SLC9A2: variants seen among roughly 807,000 people sequenced by gnomAD.
SLC9A2 encodes solute carrier family 9 member A2.
Under a neutral mutation model 71.7 loss-of-function variants are expected in SLC9A2, and 42 were observed. The ratio of observed to expected loss-of-function variants is 0.59; its 90% confidence interval spans 0.46 to 0.76. The LOEUF is 0.76. Among genes scored for constraint, SLC9A2 ranks in the 30% least tolerant of loss-of-function variants. The pLI, the probability that SLC9A2 is intolerant of heterozygous loss-of-function variation, is 0.00. For synonymous variants in SLC9A2, 396 were observed against 392.5 expected, an observed-to-expected ratio of 1.01 and a Z score of -0.10; for missense variants, 829 against 1,017.4, an observed-to-expected ratio of 0.81 and a Z score of 2.52.
chr2:102,659,440 C>CAAT lies in SLC9A2; in HGVS notation c.753+1431_753+1433dup, dbSNP rs760045785. ...TGAGCAACAGAGTGAGACTCCATCT[C>CAAT]AATAATAATAATAATAATAAAATAA... On this transcript the variant is annotated intron_variant, in intron 2 of 11. Transcript: ENST00000233969. Among the ~76,000 whole-genome samples the CAAT allele has an allele frequency of 1.0e-3, 154 of 151,588 alleles. No individual in the cohort carries two copies. In the East Asian group the frequency reaches 0.023, roughly 23 times the overall value.
Position 102,693,527 on chromosome 2 carries a change from G to T in SLC9A2, c.1426-887G>T, listed in dbSNP as rs140461520. On this transcript the variant is annotated intron_variant, in intron 5 of 11. Coordinates refer to ENST00000233969, the MANE Select transcript of SLC9A2 (RefSeq NM_003048.6). ...ATTTTTCTCCTCCTAGTTTACTGAA[G>T]AGCTGATAGTTCTCCACATTTCCGG... 5.3e-3 allele frequency among the ~76,000 whole-genome samples: 800 copies of T among 152,274 alleles called. 10 individuals are homozygous for T. Among genetic ancestry groups the T allele is most frequent in the African/African-American group, 0.018 (754 of 41,554 alleles).
intron 1 of SLC9A2, among the ~76,000 whole-genome samples, chr2:102,656,137 C>A (rs1460556357): frequency 1.3e-5 from 2 of 152,234 alleles, no homozygotes; most frequent in African/African-American, 2.4e-5. Flanking sequence ...TGTTGTCTTG[C>A]AAATAAGTGC....
At chr2:102,658,216 CTTA>C (rs1214380588) in intron 2 of SLC9A2, among the ~76,000 whole-genome samples, 189 bp downstream of exon 2, 2 of 152,110 alleles carry the variant, frequency 1.3e-5, no homozygotes, top group Non-Finnish European at 2.9e-5. Context: ...TACTTTTAAA[CTTA>C]TTATTTATAA....
At chr2:102,687,469 AT>A (rs1247445309) in intron 5 of SLC9A2, among the ~76,000 whole-genome samples, 4 of 152,208 alleles carry the variant, frequency 2.6e-5, no homozygotes, top group Non-Finnish European at 5.9e-5. Context: ...TGCATAAAAT[AT>A]TGCCTTTCAA....
At chr2:102,695,233 C>CACAAACA in intron 7 of SLC9A2, 120 bp downstream of exon 7, 1 of 679,422 alleles carries the variant, frequency 1.5e-6, no homozygotes, top group Admixed American at 2.6e-5. Flanking sequence ...ATAGTATGTC[C>CACAAACA]TCTAAGATAA....
Position 102,708,807 on chromosome 2 carries a change from G to A in SLC9A2, c.*318G>A. 1 of 271,244 alleles carries A rather than the reference G, an allele frequency of 3.7e-6. No individual in the cohort carries two copies. The highest frequency in any genetic ancestry group is 6.9e-6 in the Non-Finnish European group (1 of 144,020). 16.8% of individuals were successfully genotyped at this position (271,244 alleles called of 1,614,324 possible). On this transcript the variant is annotated 3_prime_UTR_variant, in exon 12 of 12. Coordinates refer to ENST00000233969, the MANE Select transcript of SLC9A2 (RefSeq NM_003048.6). ...TTGAAATTTTTAACACATCCTTCTT[G>A]GTGAAGATTTTAATATATTACTTAT... is the stretch of plus-strand genomic sequence containing the variant.
At chr2:102,663,520 G>C (rs1558712118) in intron 2 of SLC9A2, among the ~76,000 whole-genome samples, 1 of 152,154 alleles carries the variant, frequency 6.6e-6, no homozygotes, top group Non-Finnish European at 1.5e-5. Context: ...AAAGTGAGAT[G>C]GCATTTGCCA....
intron 3 of SLC9A2, among the ~76,000 whole-genome samples, chr2:102,677,897 A>G (rs1677371949): frequency 6.6e-6 from 1 of 152,048 alleles, no homozygotes. Context: ...TAACATTTTC[A>G]TCTTCCCCTC....
intron 1 of SLC9A2, 135 bp downstream of exon 1, chr2:102,620,272 A>T (rs1676109659): frequency 1.4e-6 from 1 of 701,562 alleles, no homozygotes; most frequent in Non-Finnish European, 2.2e-6. Context: ...CAGATGGAGC[A>T]GCTTCTTCTG....
intron 1 of SLC9A2, among the ~76,000 whole-genome samples, chr2:102,650,993 T>C (rs1676820968): frequency 6.6e-6 from 1 of 152,242 alleles, no homozygotes; most frequent in African/African-American, 2.4e-5. Flanking sequence ...CCTATTGCTT[T>C]CCATCTCAGT....
intron 5 of SLC9A2, among the ~76,000 whole-genome samples, chr2:102,687,937 G>T (rs141705950): frequency 6.6e-6 from 1 of 151,916 alleles, no homozygotes; most frequent in African/African-American, 2.4e-5. Flanking sequence ...CCACCATCAC[G>T]CCCAGCTAAT....
At chr2:102,632,095 T>TATATATACATATATATATATATATAC in intron 1 of SLC9A2, among the ~76,000 whole-genome samples, 1 of 128,606 alleles carries the variant, frequency 7.8e-6, no homozygotes, top group Non-Finnish European at 1.6e-5. Context: ...TATATACACA[T>TATATATACATATATATATATATATAC]ATATATACAT....
intron 3 of SLC9A2, among the ~76,000 whole-genome samples, chr2:102,674,407 T>C (rs1319465975): frequency 6.6e-6 from 1 of 152,186 alleles, no homozygotes; most frequent in Non-Finnish European, 1.5e-5. Flanking sequence ...TGTTGGCTTC[T>C]GGGGTGAGGA....
intron 7 of SLC9A2, among the ~76,000 whole-genome samples, chr2:102,696,275 G>A (rs1481127083): frequency 6.6e-6 from 1 of 152,094 alleles, no homozygotes; most frequent in Non-Finnish European, 1.5e-5. Context: ...CACTGGCTAG[G>A]CGAGACTTTG....
chr2:102,630,789 T>G (rs1676341232), intron 1 of SLC9A2, among the ~76,000 whole-genome samples: 2 of 152,080 alleles, frequency 1.3e-5, no homozygotes, highest in African/African-American at 4.8e-5. Context: ...TTCATGCTGT[T>G]GCATTACGTA....
chr2:102,660,420 C>A (rs927801545), intron 2 of SLC9A2, among the ~76,000 whole-genome samples: 1 of 152,174 alleles, frequency 6.6e-6, no homozygotes, highest in African/African-American at 2.4e-5. Flanking sequence ...ACTCTCAAAG[C>A]CAGACCCACA....
chr2:102,653,777 C>T (rs1393612431), intron 1 of SLC9A2, among the ~76,000 whole-genome samples: 2 of 152,196 alleles, frequency 1.3e-5, no homozygotes, highest in Non-Finnish European at 2.9e-5. Flanking sequence ...AACCAGTCCT[C>T]ATCCATTTTC....
At chr2:102,631,659 T>C (rs1245002268) in intron 1 of SLC9A2, among the ~76,000 whole-genome samples, 10 of 152,080 alleles carry the variant, frequency 6.6e-5, no homozygotes, top group Non-Finnish European at 1.5e-5. Context: ...TTTAAGGACA[T>C]ACTTTCTATA....
rs1184356147 is a variant in SLC9A2 at position 102,708,828 on chromosome 2, C to T, written c.*339C>T. The T allele has an allele frequency of 8.7e-6, 2 of 230,092 alleles. No individual in the cohort carries two copies. The highest frequency in any genetic ancestry group is 2.3e-5 in the African/African-American group (1 of 43,472). 14.3% of individuals were successfully genotyped at this position (230,092 alleles called of 1,614,324 possible). ...TCTTGGTGAAGATTTTAATATATTA[C>T]TTATATGCTTCAAATTTTATTTATG... On this transcript the variant is annotated 3_prime_UTR_variant, in exon 12 of 12. Coordinates refer to ENST00000233969, the MANE Select transcript of SLC9A2 (RefSeq NM_003048.6).
Sources: gnomAD v4.1 joint callset for allele counts (sites outside exome capture counted in the v4.1 genomes callset) on GRCh38, gnomAD v4.1.1 for gene constraint, MANE v1.5 for transcripts, NCBI Gene and HGNC (gene_info 2026-07-23, HGNC 2026-07-21) for gene names.